Variants in SLC11A2 observed in about 807,000 individuals in gnomAD.
The protein encoded by SLC11A2 is natural resistance-associated macrophage protein 2.
A neutral mutation model predicts 68.0 loss-of-function variants in SLC11A2; 38 were observed. The observed-to-expected ratio is 0.56, with a 90% CI of 0.43 to 0.73. SLC11A2 has a LOEUF of 0.73. Ranked by LOEUF, SLC11A2 falls within the 30% of genes least tolerant of loss-of-function variation. The pLI, the probability that SLC11A2 is intolerant of heterozygous loss-of-function variation, is 0.00. For missense variants in SLC11A2, 517 were observed against 690.5 expected (o/e 0.75, Z 2.82); for synonymous variants, 242 against 250.6 (o/e 0.97, Z 0.32).
At chr12:50,957,833 C>T in the SLC11A2 span, among the ~76,000 whole-genome samples, 1 of 151,596 alleles carries the variant, frequency 6.6e-6, no homozygotes, top group South Asian at 2.1e-4. Context: ...TGCAGTGAGC[C>T]GAGATCATGC....
At chr12:50,956,293 G>A in the SLC11A2 span, among the ~76,000 whole-genome samples, 5 of 152,186 alleles carry the variant, frequency 3.3e-5, no homozygotes, top group Non-Finnish European at 7.4e-5. Flanking sequence ...TCAGGAGGCT[G>A]AGGCGGGAGA....
In SLC11A2 at chr12:50,986,350, A is replaced by T; in HGVS notation, c.*1975T>A. The T allele has an allele frequency of 2.3e-6, 3 of 1,281,890 alleles. No homozygotes were observed. In the South Asian group the frequency reaches 3.7e-5, roughly 16 times the overall value. 79.4% of individuals were successfully genotyped at this position (1,281,890 alleles called of 1,614,324 possible). ...GCACTTTCTGTGAAGATCAAATGCA[A>T]TAACGTATGAGGGTATTTTTAACAC... On this transcript the variant is annotated 3_prime_UTR_variant, in exon 16 of 16. Transcript: ENST00000262052.
the SLC11A2 span, chr12:50,970,472 T>C: frequency 3.9e-6 from 6 of 1,531,668 alleles, no homozygotes; most frequent in African/African-American, 2.8e-5. Flanking sequence ...AAGGATTACA[T>C]TAGACCACGA....
the SLC11A2 span, among the ~76,000 whole-genome samples, chr12:50,963,810 G>GA: frequency 6.6e-6 from 1 of 152,146 alleles, no homozygotes; most frequent in Non-Finnish European, 1.5e-5. Context: ...AGGAATTCTG[G>GA]AAAATGCAGT....
At chr12:51,006,995 G>A (rs776433698) in intron 3 of SLC11A2, among the ~76,000 whole-genome samples, 2 of 151,964 alleles carry the variant, frequency 1.3e-5, no homozygotes, top group African/African-American at 4.8e-5. Context: ...CGATCCACCC[G>A]CCTCAGCCTC....
the SLC11A2 span, among the ~76,000 whole-genome samples, chr12:50,973,388 A>G: frequency 2.0e-5 from 3 of 152,194 alleles, no homozygotes; most frequent in African/African-American, 7.2e-5. Context: ...AAGGGTCTGG[A>G]GTGGACCTCC....
chr12:51,013,533 G>A (rs1943400677), intron 1 of SLC11A2, among the ~76,000 whole-genome samples: 1 of 151,302 alleles, frequency 6.6e-6, no homozygotes. Flanking sequence ...TTGTAATGAT[G>A]ATTAATATCA....
At chr12:50,962,989 A>G in the SLC11A2 span, among the ~76,000 whole-genome samples, 1 of 151,720 alleles carries the variant, frequency 6.6e-6, no homozygotes, top group Non-Finnish European at 1.5e-5. Context: ...GATTTATTAC[A>G]GGTATTTGAA....
the SLC11A2 span, among the ~76,000 whole-genome samples, chr12:50,952,605 C>T: frequency 2.5e-4 from 38 of 152,302 alleles, no homozygotes; most frequent in African/African-American, 8.9e-4. Flanking sequence ...TCAGGTCTCA[C>T]ACACAGGCGC....
rs778845021 is a variant in SLC11A2 at position 50,996,868 on chromosome 12, C to T, written c.780G>A (p.Val260=). 6.2e-7 allele frequency: 1 copy of T among 1,614,094 alleles called. No homozygotes were observed. Among genetic ancestry groups the T allele is most frequent in the South Asian group, 1.1e-5 (1 of 91,086 alleles). The change falls in exon 9 of 16, where the codon GTG becomes GTA. Residue 260 remains valine (V), a synonymous_variant. Coordinates refer to ENST00000262052, the MANE Select transcript of SLC11A2 (RefSeq NM_000617.3). The part of the protein sequence containing the change: ...TPQIEQAVGI[V]GAVIMPHNMY... Reference sequence around the variant, plus strand: ...TGTTGTGTGGCATGATGACAGCTCCCACGATGCCCACAGCCTGTTCAATCT... The same window carrying T: ...TGTTGTGTGGCATGATGACAGCTCCTACGATGCCCACAGCCTGTTCAATCT...
chr12:50,962,494 G>A, the SLC11A2 span, among the ~76,000 whole-genome samples: 1 of 152,164 alleles, frequency 6.6e-6, no homozygotes, highest in South Asian at 2.1e-4. Context: ...AGGGTCAGGA[G>A]TTCAAGACCA....
chr12:50,985,488 C>T (rs1940452627), downstream of SLC11A2, among the ~76,000 whole-genome samples: 2 of 152,156 alleles, frequency 1.3e-5, no homozygotes, highest in African/African-American at 2.4e-5. Context: ...TAGTAAAGTT[C>T]ACTGTGCCTG....
At chr12:50,957,450 C>T in the SLC11A2 span, among the ~76,000 whole-genome samples, 1 of 151,788 alleles carries the variant, frequency 6.6e-6, no homozygotes, top group Admixed American at 6.6e-5. Flanking sequence ...CCATCAGTCT[C>T]AGCCTCCCAA....
At chr12:50,976,942 G>T (rs1095996), downstream of SLC11A2, among the ~76,000 whole-genome samples, 131,474 of 152,058 alleles carry the variant, frequency 0.86, 58,060 homozygotes, top group East Asian at 0.98. Context: ...TTACAAGGGA[G>T]GTGAAGGACC....
chr12:50,962,638 A>G, the SLC11A2 span, among the ~76,000 whole-genome samples: 1 of 152,216 alleles, frequency 6.6e-6, no homozygotes, highest in Non-Finnish European at 1.5e-5. Flanking sequence ...CAGAGGTTGC[A>G]GTGAGTCGAA....
chr12:51,024,420 C>T (rs1323256608), intron 1 of SLC11A2: 2 of 152,222 alleles, frequency 1.3e-5, no homozygotes, highest in Non-Finnish European at 2.9e-5. Context: ...GTGGCTCACA[C>T]CACCCCAGCA....
chr12:50,960,878 C>A, the SLC11A2 span: 2 of 1,109,944 alleles, frequency 1.8e-6, no homozygotes, highest in Non-Finnish European at 1.2e-6. Flanking sequence ...TGGGGTCTTG[C>A]TATGTTGCCC....
At position 50,995,751 on chromosome 12, in the gene SLC11A2, G is replaced by A; in HGVS notation, c.868C>T (p.Arg290Ter). Residue 290 changes from arginine (R) to a stop codon, truncating the protein, a stop_gained, in exon 10 of 16, where the codon CGA becomes TGA. Coordinates refer to ENST00000262052, the MANE Select transcript of SLC11A2 (RefSeq NM_000617.3). LOFTEE classifies it high-confidence loss of function. ...QVNRNNKQEV[R>*]EANKYFFIES... ...ATGAAAAAGTACTTATTGGCTTCTC[G>A]AACTTCCTGCTTATTGTTCCGGTTT... 1.9e-6 allele frequency: 3 copies of A among 1,614,002 alleles called. No individual in the cohort carries two copies. Among genetic ancestry groups the A allele is most frequent in the Non-Finnish European group, 2.5e-6 (3 of 1,179,900 alleles).
chr12:51,019,936 T>C (rs1943924688), intron 1 of SLC11A2, among the ~76,000 whole-genome samples: 1 of 152,206 alleles, frequency 6.6e-6, no homozygotes, highest in Admixed American at 6.5e-5. Flanking sequence ...TGAGCTACCA[T>C]GCCCAGCCCA....
Sources: allele counts gnomAD v4.1 joint callset (sites outside exome capture counted in the v4.1 genomes callset), GRCh38; gene constraint gnomAD v4.1.1; transcripts MANE v1.5; gene names NCBI Gene and HGNC (gene_info 2026-07-23, HGNC 2026-07-21).